CLEC17A: variants seen among roughly 807,000 people sequenced by gnomAD.
CLEC17A encodes the protein C-type lectin domain family 17, member A.
CLEC17A carries 37 observed loss-of-function variants against 61.3 expected under a neutral mutation model. The observed-to-expected ratio is 0.60, with a 90% CI of 0.46 to 0.79. CLEC17A has a LOEUF of 0.79. Among genes scored for constraint, CLEC17A ranks in the 30% least tolerant of loss-of-function variants. CLEC17A has a pLI of 0.00. For synonymous variants in CLEC17A, 168 were observed against 164.9 expected (o/e 1.02, Z -0.14); for missense variants, 418 against 464.7 (o/e 0.90, Z 0.92).
rs372931352 is a variant in CLEC17A, at chr19:14,591,446, G to A, written c.200-835G>A. 5.4e-4 allele frequency among the ~76,000 whole-genome samples: 77 copies of A among 142,110 alleles called. 2 individuals are homozygous for A. The highest frequency in any genetic ancestry group is 1.8e-3 in the African/African-American group (70 of 38,194). The allele number at this position is 142,110 out of a possible 152,430, so 93.2% of individuals were successfully genotyped here. A position where few individuals can be genotyped will look rare whatever the true frequency, so the allele number is the denominator to read the frequency against. ...TGGGATTACAGGCGTGAGCCACCGC[G>A]CCTGGCCCTTTTTTTTGAGACAGAA... is the stretch of plus-strand genomic sequence containing the variant. On this transcript the variant is annotated intron_variant, in intron 3 of 13. Transcript: ENST00000417570.
At chr19:14,603,387 A>T (rs1179987707) in intron 12 of CLEC17A, among the ~76,000 whole-genome samples, 1 of 152,132 alleles carries the variant, frequency 6.6e-6, no homozygotes, top group African/African-American at 2.4e-5. Context: ...TCATCTACAA[A>T]ATGGGCATAA....
rs1334267650 is a variant in CLEC17A at position 14,609,924 on chromosome 19, C to T, written c.1005-140C>T. ...ACGGTGGCTCACTGTGCCCGGCTTA[C>T]AGGTGTAAGGCTCCACACACGGCCT... On this transcript the variant is annotated intron_variant, in intron 13 of 13. Transcript: ENST00000417570. The T allele has an allele frequency of 6.4e-6, 4 of 625,492 alleles. No homozygotes were observed. The South Asian group carries it at 8.3e-5, about 13-fold the overall frequency. The allele number at this position is 625,492 out of a possible 1,614,324, so 38.7% of individuals were successfully genotyped here. A position where few individuals can be genotyped will look rare whatever the true frequency, so the allele number is the denominator to read the frequency against.
At position 14,583,221 on chromosome 19, in the gene CLEC17A, C is replaced by G; in HGVS notation, c.43+18C>G. 1 of 1,613,818 alleles carries G rather than the reference C, an allele frequency of 6.2e-7. No homozygotes were observed. The highest frequency in any genetic ancestry group is 8.5e-7 in the Non-Finnish European group (1 of 1,179,854). On this transcript the variant is annotated intron_variant, in intron 1 of 13. Transcript: ENST00000417570. ...CCCACCAGGTAAGGCCCCGGCCAGG[C>G]TGGGGCTGGGGCCTAGGTGTGGTCA...
Position 14,600,020 on chromosome 19 carries a change from C to G in CLEC17A, c.743-11C>G. 1 of 1,613,282 alleles carries G rather than the reference C, an allele frequency of 6.2e-7. No individual in the cohort carries two copies. Among genetic ancestry groups the G allele is most frequent in the Admixed American group, 1.7e-5 (1 of 59,994 alleles). Reference sequence around the variant, plus strand: ...TGGGGCCATCCTGACAGCATTCTGTCTGGTTCCCAGACTGCCGCCGAATTA... The same window carrying G: ...TGGGGCCATCCTGACAGCATTCTGTGTGGTTCCCAGACTGCCGCCGAATTA... On this transcript the variant is annotated splice_polypyrimidine_tract_variant and intron_variant, in intron 11 of 13. Transcript: ENST00000417570.
At chr19:14,590,668 T>C (rs747886105) in intron 3 of CLEC17A, among the ~76,000 whole-genome samples, 67 of 152,100 alleles carry the variant, frequency 4.4e-4, no homozygotes, top group Non-Finnish European at 9.0e-4. Context: ...ATTACAGGCG[T>C]GAGCCACCAT....
chr19:14,584,765 G>A (rs2074248071), intron 2 of CLEC17A, among the ~76,000 whole-genome samples: 3 of 151,804 alleles, frequency 2.0e-5, no homozygotes, highest in East Asian at 1.9e-4. Context: ...TCAGGGCCAC[G>A]TCTGCTCCAA....
rs2146770494 is a variant in CLEC17A, at chr19:14,610,191, T to C, written c.1132T>C (p.Cys378Arg). The C allele has an allele frequency of 6.4e-7, 1 of 1,563,954 alleles. No homozygotes were observed. Among genetic ancestry groups the C allele is most frequent in the Non-Finnish European group, 8.7e-7 (1 of 1,154,088 alleles). Residue 378 changes from cysteine (C) to arginine (R), a missense_variant, in exon 14 of 14, where the codon TGT (cysteine) becomes CGT (arginine). Coordinates refer to ENST00000417570, the MANE Select transcript of CLEC17A (RefSeq NM_001204118.2). ...TTGGATTTGTGAGCGGAAATGTTCC[T>C]GTTGAAGCCCAGGGCCGAGGCTGGG... is the stretch of plus-strand genomic sequence containing the variant. ...TYWICERKCS[C>R]
At chr19:14,607,244 G>A (rs1372029923) in intron 13 of CLEC17A, 142 bp downstream of exon 13, 4 of 298,754 alleles carry the variant, frequency 1.3e-5, no homozygotes, top group South Asian at 1.5e-4. Flanking sequence ...TTGCTCTGTC[G>A]CCCAGGCTGG....
rs567274461 is a variant in CLEC17A, at chr19:14,588,663, A to G, written c.199+972A>G. 5 of 152,174 alleles carry G rather than the reference A, an allele frequency of 3.3e-5. No homozygotes were observed. In the East Asian group the frequency reaches 9.7e-4, roughly 29 times the overall value. 9.4% of individuals were successfully genotyped at this position (152,174 alleles called of 1,614,324 possible). ...ATAGCGCGACCCCACTTCTAAAAAA[A>G]TAGAGAAAATGAAACCGGAGGTTTT... On this transcript the variant is annotated intron_variant, in intron 3 of 13. Coordinates refer to ENST00000417570, the MANE Select transcript of CLEC17A (RefSeq NM_001204118.2).
At chr19:14,586,199 G>A (rs1471248194) in intron 2 of CLEC17A, among the ~76,000 whole-genome samples, 2 of 149,398 alleles carry the variant, frequency 1.3e-5, no homozygotes, top group African/African-American at 4.9e-5. Flanking sequence ...AATCTTGGCT[G>A]ACAGCAACCT....
intron 12 of CLEC17A, 58 bp from the exon 13 acceptor site, chr19:14,606,935 T>C: frequency 1.1e-6 from 1 of 887,284 alleles, no homozygotes; most frequent in Non-Finnish European, 1.5e-6. Flanking sequence ...ACAGGGCAGG[T>C]CCTCACCCTG....
At chr19:14,589,693 G>A (rs1183431502) in intron 3 of CLEC17A, among the ~76,000 whole-genome samples, 1 of 150,496 alleles carries the variant, frequency 6.6e-6, no homozygotes, top group Non-Finnish European at 1.5e-5. Flanking sequence ...CCTTCAAGAT[G>A]GGTTCCCTGT....
chr19:14,590,721 C>T (rs1465671522), intron 3 of CLEC17A, among the ~76,000 whole-genome samples: 1 of 151,846 alleles, frequency 6.6e-6, no homozygotes, highest in Admixed American at 6.6e-5. Flanking sequence ...GGGTCTCCTT[C>T]TGTTGCCCAG....
At chr19:14,595,195 A>G in intron 7 of CLEC17A, 79 bp from the exon 8 acceptor site, 1 of 1,537,076 alleles carries the variant, frequency 6.5e-7, no homozygotes, top group Non-Finnish European at 9.0e-7. Context: ...CTGACCAGAG[A>G]ACAAAACAGA....
chr19:14,594,592 G>A, intron 5 of CLEC17A, 40 bp from the exon 6 acceptor site: 3 of 1,613,492 alleles, frequency 1.9e-6, no homozygotes, highest in Non-Finnish European at 2.5e-6. Context: ...AGCTGGCTTT[G>A]CCCTGCTCTG....
At chr19:14,603,108 T>C (rs2074764741) in intron 12 of CLEC17A, among the ~76,000 whole-genome samples, 1 of 152,204 alleles carries the variant, frequency 6.6e-6, no homozygotes, top group Admixed American at 6.5e-5. Flanking sequence ...CCTAACTCAG[T>C]TTCACAAGAA....
At chr19:14,591,600 T>G (rs1323732348) in intron 3 of CLEC17A, among the ~76,000 whole-genome samples, 1 of 147,078 alleles carries the variant, frequency 6.8e-6, no homozygotes, top group Non-Finnish European at 1.5e-5. Context: ...GTCACTCAGG[T>G]TGGAGTGCAG....
At chr19:14,583,308 T>C in intron 1 of CLEC17A, 49 bp from the exon 2 acceptor site, 1 of 1,609,742 alleles carries the variant, frequency 6.2e-7, no homozygotes, top group Non-Finnish European at 8.5e-7. Context: ...GCTTGAGGGA[T>C]GGAGGGAGGA....
Position 14,595,425 on chromosome 19 carries a change from C to T in CLEC17A, c.445+110C>T. The T allele has an allele frequency of 3.4e-6, 4 of 1,160,558 alleles. No individual in the cohort carries two copies. The South Asian group carries it at 5.2e-5, about 15-fold the overall frequency. The allele number at this position is 1,160,558 out of a possible 1,614,324, so 71.9% of individuals were successfully genotyped here. A position where few individuals can be genotyped will look rare whatever the true frequency, so the allele number is the denominator to read the frequency against. On this transcript the variant is annotated intron_variant, in intron 8 of 13. Transcript: ENST00000417570. The stretch of plus-strand genomic sequence containing the variant: ...GGAACTTCTCCTTTAAGAAGCTGCT[C>T]CTTCAGGACCTGCTGCACTGTTCTG...
Sources: gnomAD v4.1 joint callset for allele counts (sites outside exome capture counted in the v4.1 genomes callset) on GRCh38, gnomAD v4.1.1 for gene constraint, MANE v1.5 for transcripts, NCBI Gene and HGNC (gene_info 2026-07-23, HGNC 2026-07-21) for gene names.